The following TMCO6 variants were observed in gnomAD, a reference collection of about 807,000 sequenced individuals.
The protein encoded by TMCO6 is transmembrane and coiled-coil domain-containing protein 6.
Under a neutral mutation model 61.8 loss-of-function variants are expected in TMCO6, and 47 were observed. That is an observed-to-expected ratio of 0.76 (90% CI 0.60 to 0.97). The LOEUF (loss-of-function observed/expected upper bound fraction) is 0.97, where lower values mean the gene tolerates loss of function less well. Ranked by LOEUF, TMCO6 falls within the 50% of genes least tolerant of loss-of-function variation. TMCO6 has a pLI of 0.00. For synonymous variants in TMCO6, 261 were observed against 254.2 expected (o/e 1.03, Z -0.25); for missense variants, 557 against 601.6 (o/e 0.93, Z 0.78).
chr5:140,641,092 TGAA>T (rs886262009), intron 2 of TMCO6: 15 of 154,890 alleles, frequency 9.7e-5, no homozygotes, highest in African/African-American at 3.6e-4. Context: ...CACAGCCCGG[TGAA>T]GAAGACAGAT....
At chr5:140,631,352 A>T in the TMCO6 span, among the ~76,000 whole-genome samples, 37 of 151,704 alleles carry the variant, frequency 2.4e-4, 1 homozygote, top group African/African-American at 6.6e-4. Context: ...TGTGTGTGTG[A>T]GAGAGAGAAA....
At chr5:140,606,900 TACA>T in the TMCO6 span, among the ~76,000 whole-genome samples, 3 of 151,950 alleles carry the variant, frequency 2.0e-5, no homozygotes, top group Non-Finnish European at 4.4e-5. Context: ...GGGGGTGGAA[TACA>T]ACGATGTTGA....
At chr5:140,639,273 A>T, upstream of TMCO6, 1 of 472,114 alleles carries the variant, frequency 2.1e-6, no homozygotes, top group Non-Finnish European at 3.8e-6. Context: ...TTGGTAAGAC[A>T]GGAAATCAAT....
At chr5:140,640,310 C>G (rs1267828614) in intron 2 of TMCO6, among the ~76,000 whole-genome samples, 1 of 152,166 alleles carries the variant, frequency 6.6e-6, no homozygotes, top group Non-Finnish European at 1.5e-5. Context: ...TTAGTTCCTG[C>G]AACGATATAT....
chr5:140,597,652 G>A, the TMCO6 span, among the ~76,000 whole-genome samples: 173 of 152,264 alleles, frequency 1.1e-3, no homozygotes, highest in African/African-American at 4.1e-3. Flanking sequence ...ATTAGGAGAG[G>A]CCACTGTGCT....
the TMCO6 span, among the ~76,000 whole-genome samples, chr5:140,604,780 C>CTT: frequency 7.8e-4 from 97 of 124,726 alleles, no homozygotes; most frequent in Middle Eastern, 0.013. Context: ...TGTCATTTCT[C>CTT]TTTTTTTTTT....
At chr5:140,636,843 T>TTTG (rs1263615127), upstream of TMCO6, among the ~76,000 whole-genome samples, 2 of 152,248 alleles carry the variant, frequency 1.3e-5, no homozygotes, top group Non-Finnish European at 2.9e-5. Context: ...TAATTGAACC[T>TTTG]TTGCCTAAGT....
chr5:140,643,708 A>G (rs540890411), intron 8 of TMCO6, 33 bp downstream of exon 8: 89 of 1,603,844 alleles, frequency 5.5e-5, no homozygotes, highest in South Asian at 4.7e-4. Flanking sequence ...ATTCTGGGAG[A>G]TGTTTCTTGA....
the TMCO6 span, chr5:140,633,026 G>A: frequency 6.2e-7 from 1 of 1,614,120 alleles, no homozygotes; most frequent in Non-Finnish European, 8.5e-7. Flanking sequence ...AACCCCTGTG[G>A]CTCCCGAGTG....
chr5:140,625,053 C>T, the TMCO6 span, among the ~76,000 whole-genome samples: 11 of 151,792 alleles, frequency 7.2e-5, no homozygotes, highest in Non-Finnish European at 1.5e-4. Context: ...GGGGTTTCAC[C>T]GTCTTGGCCA....
At chr5:140,638,910 A>G (rs1756851778), upstream of TMCO6, 1 of 152,654 alleles carries the variant, frequency 6.6e-6, no homozygotes, top group South Asian at 2.0e-4. Flanking sequence ...TAAAATATGT[A>G]AAACCAAGCT....
the TMCO6 span, among the ~76,000 whole-genome samples, chr5:140,629,580 G>A: frequency 3.9e-5 from 6 of 152,106 alleles, no homozygotes; most frequent in Admixed American, 6.5e-5. Context: ...TTATATATAC[G>A]CAAATATTCC....
At chr5:140,647,119 G>A, downstream of TMCO6, 1 of 979,292 alleles carries the variant, frequency 1.0e-6, no homozygotes, top group East Asian at 2.7e-5. Flanking sequence ...TTTCTTCATG[G>A]AAACAAGATC....
chr5:140,634,780 A>C (rs1756727969), upstream of TMCO6, among the ~76,000 whole-genome samples: 1 of 150,610 alleles, frequency 6.6e-6, no homozygotes, highest in Non-Finnish European at 1.5e-5. Context: ...CCCGGCCTGA[A>C]AGTCTTTTTT....
At chr5:140,622,271 G>T in the TMCO6 span, among the ~76,000 whole-genome samples, 3 of 152,120 alleles carry the variant, frequency 2.0e-5, no homozygotes, top group African/African-American at 7.2e-5. Context: ...AAGGAAAATA[G>T]AAAAGAATCA....
At chr5:140,630,531 T>G in the TMCO6 span, among the ~76,000 whole-genome samples, 6 of 152,206 alleles carry the variant, frequency 3.9e-5, no homozygotes, top group Admixed American at 3.9e-4. Flanking sequence ...CTGATTCATC[T>G]TTGTATTTCA....
At chr5:140,613,960 G>A in the TMCO6 span, among the ~76,000 whole-genome samples, 1 of 151,660 alleles carries the variant, frequency 6.6e-6, no homozygotes, top group Admixed American at 6.6e-5. Context: ...GTGCAGTGGT[G>A]CGGTCTCGGC....
At chr5:140,635,110 C>G (rs1756737673), upstream of TMCO6, among the ~76,000 whole-genome samples, 1 of 152,202 alleles carries the variant, frequency 6.6e-6, no homozygotes. Context: ...CCCACTTCCT[C>G]TTTAATTGAG....
chr5:140,639,664 A>G lies in TMCO6; in HGVS notation c.85+52A>G, dbSNP rs565812552. 3.0e-5 allele frequency: 46 copies of G among 1,542,338 alleles called. No homozygotes were observed. In the African/African-American group the frequency reaches 6.2e-4, roughly 21 times the overall value. On this transcript the variant is annotated intron_variant, in intron 1 of 11. Coordinates refer to ENST00000394671, the MANE Select transcript of TMCO6 (RefSeq NM_018502.5). ...GTATATGGCGGTCGGGGATAAGTTG[A>G]GACCCCAGGCTCGGAGCCGCGGGTT...
Sources: gnomAD v4.1 joint callset for allele counts (sites outside exome capture counted in the v4.1 genomes callset) on GRCh38, gnomAD v4.1.1 for gene constraint, MANE v1.5 for transcripts, NCBI Gene and HGNC (gene_info 2026-07-23, HGNC 2026-07-21) for gene names.